The following ENTPD1 variants were observed in gnomAD, a reference collection of about 807,000 sequenced individuals.
ENTPD1 encodes ATP diphosphohydrolase.
ENTPD1 carries 33 observed loss-of-function variants against 57.0 expected under a neutral mutation model. The ratio of observed to expected loss-of-function variants is 0.58; its 90% CI spans 0.44 to 0.77. The LOEUF (loss-of-function observed/expected upper bound fraction) is 0.77, where lower values mean the gene tolerates loss of function less well. Ranked by LOEUF, ENTPD1 falls within the 30% of genes least tolerant of loss-of-function variation. ENTPD1 has a pLI of 0.00. For synonymous variants in ENTPD1, 202 were observed against 218.8 expected (o/e 0.92, Z 0.68); for missense variants, 501 against 603.4 (o/e 0.83, Z 1.78).
At chr10:95,816,352 A>C (rs1033764480) in intron 1 of ENTPD1, among the ~76,000 whole-genome samples, 2 of 152,218 alleles carry the variant, frequency 1.3e-5, no homozygotes, top group Non-Finnish European at 2.9e-5. Flanking sequence ...TTGGGAAGTT[A>C]CTTAATCTCT....
chr10:95,861,852 C>T (rs1479172021), intron 8 of ENTPD1, among the ~76,000 whole-genome samples: 3 of 151,902 alleles, frequency 2.0e-5, no homozygotes, highest in Admixed American at 6.5e-5. Context: ...AAAAATTAGC[C>T]GGGCATGGTG....
chr10:95,732,313 A>G (rs2097990149), intron 1 of ENTPD1, among the ~76,000 whole-genome samples: 1 of 152,064 alleles, frequency 6.6e-6, no homozygotes, highest in Admixed American at 6.5e-5. Context: ...ATGGAGGCAA[A>G]GTTCTTGCAA....
chr10:95,860,302 C>T (rs543527885), intron 7 of ENTPD1, among the ~76,000 whole-genome samples, 167 bp from the exon 8 acceptor site: 1 of 152,284 alleles, frequency 6.6e-6, no homozygotes, highest in South Asian at 2.1e-4. Flanking sequence ...AGCAAAGTGG[C>T]TCCTCTTCCA....
chr10:95,866,474 C>T lies in ENTPD1; in HGVS notation c.*91C>T. On this transcript the variant is annotated 3_prime_UTR_variant, in exon 10 of 10. Transcript: ENST00000371205. ...TCGCAGTGTTCAAGGCCATCCTTCC[C>T]TGTCTGCCAGGGCCAGTCTTGACGA... The T allele has an allele frequency of 6.4e-7, 1 of 1,569,816 alleles. No homozygotes were observed. The highest frequency in any genetic ancestry group is 1.3e-5 in the African/African-American group (1 of 74,114).
At chr10:95,859,884 T>C (rs2098462329) in intron 7 of ENTPD1, among the ~76,000 whole-genome samples, 1 of 152,218 alleles carries the variant, frequency 6.6e-6, no homozygotes, top group African/African-American at 2.4e-5. Context: ...TTTTAACTTT[T>C]TTTATAGTTC....
rs1038795378 is a variant in ENTPD1, at chr10:95,739,081, A to G, written c.37+27088A>G. Among the ~76,000 whole-genome samples, 11 of 152,332 alleles carry G rather than the reference A, an allele frequency of 7.2e-5. No individual in the cohort carries two copies. In the South Asian group the frequency reaches 2.3e-3, roughly 32 times the overall value. On this transcript the variant is annotated intron_variant, in intron 1 of 9. Coordinates refer to the ENTPD1 transcript ENST00000453258. ...TTATTTGCAAAAGTACAATGTATAT[A>G]CCTTGATTAAAAATACTTTATTGTT...
In ENTPD1 at chr10:95,866,514, T is replaced by C; in HGVS notation, c.*131T>C. On this transcript the variant is annotated 3_prime_UTR_variant, in exon 10 of 10. Transcript: ENST00000371205. ...AGTCTTGACGAGTGTGAAGCTTCCT[T>C]GGCTTTTACTGAAGCCTTTCTTTTG... 1 of 1,531,114 alleles carries C rather than the reference T, an allele frequency of 6.5e-7. No homozygotes were observed. Among genetic ancestry groups the C allele is most frequent in the Non-Finnish European group, 8.8e-7 (1 of 1,141,124 alleles). The allele number at this position is 1,531,114 out of a possible 1,614,324, so 94.8% of individuals were successfully genotyped here. A position where few individuals can be genotyped will look rare whatever the true frequency, so the allele number is the denominator to read the frequency against.
At chr10:95,802,889 T>C (rs2098256057) in intron 1 of ENTPD1, among the ~76,000 whole-genome samples, 1 of 152,194 alleles carries the variant, frequency 6.6e-6, no homozygotes, top group Admixed American at 6.5e-5. Flanking sequence ...TCTTTGCTAT[T>C]GTGAATAGTG....
At chr10:95,755,718 G>C (rs2098020511), upstream of ENTPD1, 4 of 1,537,114 alleles carry the variant, frequency 2.6e-6, no homozygotes, top group African/African-American at 1.4e-5. Flanking sequence ...AGGCTTTATG[G>C]GGAGGGAAGA....
chr10:95,718,197 C>T, intron 1 of ENTPD1, among the ~76,000 whole-genome samples: 1 of 151,998 alleles, frequency 6.6e-6, no homozygotes, highest in Non-Finnish European at 1.5e-5. Flanking sequence ...AAGTAATTTC[C>T]ACTGGTTAGC....
Position 95,872,395 on chromosome 10 carries a change from A to G in ENTPD1, c.*6012A>G. The G allele has an allele frequency of 1.0e-6, 1 of 985,398 alleles. No individual in the cohort carries two copies. Among genetic ancestry groups the G allele is most frequent in the South Asian group, 4.7e-5 (1 of 21,284 alleles). 61.0% of individuals were successfully genotyped at this position (985,398 alleles called of 1,614,324 possible). A position where few individuals can be genotyped will look rare whatever the true frequency, so the allele number is the denominator to read the frequency against. On this transcript the variant is annotated 3_prime_UTR_variant, in exon 10 of 10. Coordinates refer to ENST00000371205, the MANE Select transcript of ENTPD1 (RefSeq NM_001776.6). ...TTCCTACACTACACTACACTATACT[A>G]CACTACAGCCAGGTAGAATGACTGT... is the stretch of plus-strand genomic sequence containing the variant.
At position 95,791,515 on chromosome 10, in the gene ENTPD1, G is replaced by A. The variant is rs772025337; in HGVS notation, c.17-31722G>A. On this transcript the variant is annotated intron_variant, in intron 1 of 9. Coordinates refer to ENST00000371205, the MANE Select transcript of ENTPD1 (RefSeq NM_001776.6). This position sits in a 1 kb window ranked among gnomAD's most constrained non-coding sequence, Gnocchi z 4.1. ...AGCTGGGATCAGAGAGTGGAAGTTA[G>A]AATGAAACAGAACTTAGGTCAAGAT... Among the ~76,000 whole-genome samples, 1 of 152,188 alleles carries A rather than the reference G, an allele frequency of 6.6e-6. No homozygotes were observed. Among genetic ancestry groups the A allele is most frequent in the Non-Finnish European group, 1.5e-5 (1 of 68,026 alleles).
intron 1 of ENTPD1, among the ~76,000 whole-genome samples, chr10:95,810,540 G>A (rs188586817): frequency 3.3e-4 from 50 of 151,844 alleles, no homozygotes; most frequent in Middle Eastern, 3.4e-3. Flanking sequence ...GGGCAGAGGC[G>A]CTCCTCACTT....
chr10:95,701,823 G>T, the ENTPD1 span, among the ~76,000 whole-genome samples: 3 of 151,854 alleles, frequency 2.0e-5, no homozygotes, highest in African/African-American at 7.3e-5. Context: ...TCACATTTTT[G>T]AATAAATCTT....
chr10:95,856,367 T>A (rs1023510461), intron 7 of ENTPD1, among the ~76,000 whole-genome samples: 6 of 152,128 alleles, frequency 3.9e-5, no homozygotes, highest in African/African-American at 1.4e-4. Flanking sequence ...GGATGTGGTG[T>A]AAAGGGAACA....
At chr10:95,760,814 C>CTTTTTTTTTTTTTTTTTGTT (rs2098055932) in intron 1 of ENTPD1, among the ~76,000 whole-genome samples, 1 of 62,956 alleles carries the variant, frequency 1.6e-5, no homozygotes, top group Non-Finnish European at 2.8e-5. Context: ...AGAGTTTATT[C>CTTTTTTTTTTTTTTTTTGTT]TTTTTTTTTT....
chr10:95,777,658 C>T (rs1430053767), intron 1 of ENTPD1, among the ~76,000 whole-genome samples: 1 of 152,206 alleles, frequency 6.6e-6, no homozygotes, highest in Non-Finnish European at 1.5e-5. Context: ...GCTCAAACAC[C>T]ATGCTGGGAG....
At chr10:95,825,376 A>T (rs1566200268) in intron 2 of ENTPD1, among the ~76,000 whole-genome samples, 1 of 152,236 alleles carries the variant, frequency 6.6e-6, no homozygotes, top group Non-Finnish European at 1.5e-5. Context: ...GAAACAAAAA[A>T]ACTTTTTTTC....
chr10:95,847,429 G>A lies in ENTPD1; in HGVS notation c.814-17G>A, dbSNP rs772992187. On this transcript the variant is annotated splice_polypyrimidine_tract_variant and intron_variant, in intron 6 of 9. Transcript: ENST00000371205. ...AAGCGTTCACACATGATGCTTTCAAGTGATTTTTCCATTCAGGTTGCAAGT... is the reference window on the plus strand; with the variant it reads ...AAGCGTTCACACATGATGCTTTCAAATGATTTTTCCATTCAGGTTGCAAGT... 3 of 1,614,114 alleles carry A rather than the reference G, an allele frequency of 1.9e-6. No individual in the cohort carries two copies. Among genetic ancestry groups the A allele is most frequent in the Non-Finnish European group, 2.5e-6 (3 of 1,180,018 alleles).
Sources: allele counts gnomAD v4.1 joint callset (sites outside exome capture counted in the v4.1 genomes callset), GRCh38; gene constraint gnomAD v4.1.1; non-coding constraint Gnocchi (gnomAD v3.1); transcripts MANE v1.5; gene names NCBI Gene and HGNC (gene_info 2026-07-23, HGNC 2026-07-21).